Variants in C10orf67 observed in about 807,000 individuals in gnomAD.
C10orf67 encodes uncharacterized protein C10orf67, mitochondrial.
A neutral mutation model predicts 35.6 loss-of-function variants in C10orf67; 60 were observed. That is an observed-to-expected ratio of 1.68 (90% CI 1.37 to 2.09). The LOEUF is 2.09. Among genes scored for constraint, C10orf67 ranks in the 30% most tolerant of loss-of-function variants. The pLI is 0.00. For synonymous variants in C10orf67, 167 were observed against 115.8 expected, an observed-to-expected ratio of 1.44 and a Z score of -2.84; for missense variants, 474 against 330.2, an observed-to-expected ratio of 1.44 and a Z score of -3.38.
chr10:23,303,943 A>G (rs781081910), intron 4 of C10orf67, among the ~76,000 whole-genome samples: 20 of 152,168 alleles, frequency 1.3e-4, no homozygotes, highest in Admixed American at 4.6e-4. Flanking sequence ...CTCACTGACC[A>G]TGGTCCCAGC....
rs1275586779 is a variant in C10orf67, at chr10:23,331,213, A to G, written c.327+1849T>C. Among the ~76,000 whole-genome samples, 12 of 3,834 alleles carry G rather than the reference A, an allele frequency of 3.1e-3. 1 individual carries two copies. The highest frequency in any genetic ancestry group is 0.017 in the African/African-American group (11 of 660). The allele number at this position is 3,834 out of a possible 152,430, so 2.5% of individuals were successfully genotyped here. The stretch of plus-strand genomic sequence containing the variant: ...GGGAAGGGAAGGGAAGGGAAGAGGG[A>G]AGGGAAGGGAAGGGAGGAGGGAAGG... On this transcript the variant is annotated intron_variant, in intron 2 of 15. Transcript: ENST00000636213.
chr10:23,217,451 C>T (rs1270707151), intron 15 of C10orf67, among the ~76,000 whole-genome samples: 1 of 152,126 alleles, frequency 6.6e-6, no homozygotes, highest in East Asian at 1.9e-4. Flanking sequence ...AGACTCATTC[C>T]TAAATTAAAA....
chr10:23,313,083 C>A (rs1844559846), intron 4 of C10orf67, among the ~76,000 whole-genome samples: 1 of 152,216 alleles, frequency 6.6e-6, no homozygotes, highest in African/African-American at 2.4e-5. Flanking sequence ...CCCATCTCCC[C>A]CAAATATTCA....
At chr10:23,294,173 C>T (rs1843809755) in intron 5 of C10orf67, among the ~76,000 whole-genome samples, 1 of 152,120 alleles carries the variant, frequency 6.6e-6, no homozygotes, top group Non-Finnish European at 1.5e-5. Context: ...GAAAGTGGCA[C>T]TCTGGGCAGT....
chr10:23,265,356 C>G (rs948402793), intron 10 of C10orf67, among the ~76,000 whole-genome samples: 3 of 152,174 alleles, frequency 2.0e-5, no homozygotes, highest in Non-Finnish European at 4.4e-5. Context: ...CCTCCATGCT[C>G]TAAGTGAGAG....
chr10:23,302,328 C>A (rs987370300), intron 5 of C10orf67, among the ~76,000 whole-genome samples: 1 of 152,020 alleles, frequency 6.6e-6, no homozygotes. Context: ...GGATAAAGCT[C>A]CCCCTCTGTA....
At chr10:23,320,626 A>T in intron 4 of C10orf67, 115 bp downstream of exon 4, 1 of 719,308 alleles carries the variant, frequency 1.4e-6, no homozygotes, top group Non-Finnish European at 2.3e-6. Context: ...AATCGAGGAA[A>T]CAGGCCTTCA....
intron 12 of C10orf67, among the ~76,000 whole-genome samples, chr10:23,246,014 A>G (rs1381147826): frequency 6.6e-6 from 1 of 152,250 alleles, no homozygotes; most frequent in Non-Finnish European, 1.5e-5. Context: ...GGAATACTGC[A>G]CAGTCATAAA....
Position 23,288,966 on chromosome 10 carries a change from A to G in C10orf67, c.909+934T>C, listed in dbSNP as rs181342413. Among the ~76,000 whole-genome samples, 387 of 152,214 alleles carry G rather than the reference A, an allele frequency of 2.5e-3. 2 individuals carry two copies. Among genetic ancestry groups the G allele is most frequent in the African/African-American group, 8.7e-3 (363 of 41,544 alleles). Reference sequence around the variant, plus strand: ...TAAGAGACCAGATAGCGCAGTTTCCACCCTCATGGAGCCTCCAGTAGGGCA... The same window carrying G: ...TAAGAGACCAGATAGCGCAGTTTCCGCCCTCATGGAGCCTCCAGTAGGGCA... On this transcript the variant is annotated intron_variant, in intron 7 of 15. Transcript: ENST00000636213.
At chr10:23,296,041 T>C (rs1843871218) in intron 5 of C10orf67, among the ~76,000 whole-genome samples, 1 of 152,178 alleles carries the variant, frequency 6.6e-6, no homozygotes, top group Admixed American at 6.5e-5. Flanking sequence ...TAAATAAGAG[T>C]ACTAGTGAGG....
intron 8 of C10orf67, among the ~76,000 whole-genome samples, chr10:23,275,684 A>T (rs1843167138): frequency 6.6e-6 from 1 of 152,132 alleles, no homozygotes; most frequent in South Asian, 2.1e-4. Context: ...TCCCCTCAGG[A>T]CAATCAGCTT....
At chr10:23,310,037 A>C (rs1251033375) in intron 4 of C10orf67, among the ~76,000 whole-genome samples, 1 of 152,160 alleles carries the variant, frequency 6.6e-6, no homozygotes, top group African/African-American at 2.4e-5. Context: ...ATGTTTCACT[A>C]GTGTTTATGG....
At chr10:23,305,694 A>G (rs1844250014) in intron 4 of C10orf67, among the ~76,000 whole-genome samples, 1 of 152,198 alleles carries the variant, frequency 6.6e-6, no homozygotes, top group African/African-American at 2.4e-5. Flanking sequence ...TGGCAACGGT[A>G]TGGAGAAAAG....
intron 12 of C10orf67, 32 bp from the exon 13 acceptor site, chr10:23,239,848 G>A: frequency 1.7e-6 from 1 of 598,986 alleles, no homozygotes; most frequent in Non-Finnish European, 3.3e-6. Context: ...AACTTAAAAT[G>A]TATGTAAATC....
At chr10:23,246,548 T>A (rs892796351) in intron 12 of C10orf67, among the ~76,000 whole-genome samples, 3 of 151,864 alleles carry the variant, frequency 2.0e-5, no homozygotes, top group South Asian at 2.1e-4. Context: ...ATATCAGGAA[T>A]GAAAAAGGGA....
intron 2 of C10orf67, 38 bp from the exon 3 acceptor site, chr10:23,322,575 A>G (rs752436142): frequency 7.0e-7 from 1 of 1,421,396 alleles, no homozygotes; most frequent in Non-Finnish European, 9.7e-7. Flanking sequence ...GAAGTAACAC[A>G]GGAACAGAAA....
At chr10:23,225,204 G>A (rs1234549096) in intron 13 of C10orf67, among the ~76,000 whole-genome samples, 1 of 152,086 alleles carries the variant, frequency 6.6e-6, no homozygotes, top group African/African-American at 2.4e-5. Context: ...AAGAGAGTAG[G>A]GGCCAATATT....
intron 13 of C10orf67, among the ~76,000 whole-genome samples, chr10:23,239,050 A>G (rs1323830779): frequency 6.6e-6 from 1 of 152,170 alleles, no homozygotes; most frequent in East Asian, 1.9e-4. Context: ...AAAAAAGAGC[A>G]TATATTTATA....
intron 2 of C10orf67, 58 bp downstream of exon 2, chr10:23,333,004 A>T: frequency 6.5e-7 from 1 of 1,540,834 alleles, no homozygotes; most frequent in Non-Finnish European, 8.9e-7. Context: ...TGAAAGAAAC[A>T]TGAAGGCAAT....
Sources: allele counts gnomAD v4.1 joint callset (sites outside exome capture counted in the v4.1 genomes callset), GRCh38; gene constraint gnomAD v4.1.1; transcripts MANE v1.5; gene names NCBI Gene and HGNC (gene_info 2026-07-23, HGNC 2026-07-21).